Variants in CA10 observed in about 807,000 individuals in gnomAD.
The protein encoded by CA10 is carbonic anhydrase-related protein 10.
CA10 carries 14 observed loss-of-function variants against 44.2 expected under a neutral mutation model. The ratio of observed to expected loss-of-function variants is 0.32; its 90% CI spans 0.21 to 0.50. The LOEUF (loss-of-function observed/expected upper bound fraction) is 0.50. CA10 is among the 20% of genes least tolerant of loss of function. The probability of loss-of-function intolerance (pLI) is 0.99; values close to 1 mark genes in which losing one functional copy is unlikely to be tolerated. For missense variants in CA10, 350 were observed against 409.7 expected (o/e 0.85, Z 1.26); for synonymous variants, 159 against 141.6 (o/e 1.12, Z -0.87).
At chr17:51,638,032 G>A (rs531806439) in intron 6 of CA10, among the ~76,000 whole-genome samples, 2 of 152,344 alleles carry the variant, frequency 1.3e-5, no homozygotes, top group African/African-American at 4.8e-5. Flanking sequence ...ACTGATTAAT[G>A]CTGCTAATTT....
chr17:52,096,320 A>T (rs1465709508), intron 1 of CA10, among the ~76,000 whole-genome samples: 1 of 152,178 alleles, frequency 6.6e-6, no homozygotes, highest in Non-Finnish European at 1.5e-5. Context: ...ACTGTCAGGA[A>T]GAAGGAGTCT....
intron 2 of CA10, among the ~76,000 whole-genome samples, chr17:51,959,282 C>CTCTGTGTGTGTG (rs748461115): frequency 4.7e-4 from 63 of 134,444 alleles, no homozygotes; most frequent in Non-Finnish European, 6.1e-4. Flanking sequence ...CTCTCTCTCT[C>CTCTGTGTGTGTG]TGTGTGTGTG....
At chr17:52,077,584 G>C (rs140906734) in intron 1 of CA10, among the ~76,000 whole-genome samples, 1 of 148,520 alleles carries the variant, frequency 6.7e-6, no homozygotes, top group South Asian at 2.1e-4. Flanking sequence ...GGATCTAAAA[G>C]ATTTTTGTTA....
chr17:51,825,035 G>A (rs1907953862), intron 3 of CA10, among the ~76,000 whole-genome samples: 1 of 152,176 alleles, frequency 6.6e-6, no homozygotes, highest in Non-Finnish European at 1.5e-5. Flanking sequence ...GTGATCATGA[G>A]TGGAAAACAA....
intron 3 of CA10, among the ~76,000 whole-genome samples, chr17:51,808,904 G>A (rs971325674): frequency 6.6e-6 from 1 of 152,088 alleles, no homozygotes; most frequent in African/African-American, 2.4e-5. Flanking sequence ...TTTCAAAAAT[G>A]ACATCTTTGA....
At chr17:51,949,583 C>G (rs1037378250) in intron 2 of CA10, among the ~76,000 whole-genome samples, 2 of 152,160 alleles carry the variant, frequency 1.3e-5, no homozygotes, top group Admixed American at 6.6e-5. Context: ...AGGTTAGTCT[C>G]TCACTGTGGC....
intron 3 of CA10, among the ~76,000 whole-genome samples, chr17:51,753,348 C>T (rs770875481): frequency 6.6e-5 from 10 of 152,214 alleles, no homozygotes; most frequent in Middle Eastern, 3.2e-3. Flanking sequence ...AATTAGATGT[C>T]TTTGCATAGC....
intron 3 of CA10, among the ~76,000 whole-genome samples, chr17:51,821,538 C>T (rs1321406885): frequency 3.3e-5 from 5 of 152,028 alleles, no homozygotes; most frequent in Non-Finnish European, 7.4e-5. Flanking sequence ...ATTTGAATAG[C>T]CTCCTAATTG....
intron 1 of CA10, among the ~76,000 whole-genome samples, chr17:52,072,715 A>ACACACACG (rs1360860096): frequency 6.7e-6 from 1 of 149,780 alleles, no homozygotes; most frequent in Non-Finnish European, 1.5e-5. Flanking sequence ...ACACACACAC[A>ACACACACG]CAACACACAC....
intron 4 of CA10, among the ~76,000 whole-genome samples, chr17:51,715,107 A>G (rs1462542290): frequency 6.6e-6 from 1 of 152,150 alleles, no homozygotes; most frequent in Non-Finnish European, 1.5e-5. Flanking sequence ...TCAGCAAACT[A>G]TTGCAAGGAC....
rs558548902 is a variant in CA10 at position 51,881,729 on chromosome 17, T to C, written c.279+49261A>G. Among the ~76,000 whole-genome samples, 19 of 152,292 alleles carry C rather than the reference T, an allele frequency of 1.2e-4. No individual in the cohort carries two copies. The East Asian group carries it at 3.5e-3, about 28-fold the overall frequency. On this transcript the variant is annotated intron_variant, in intron 3 of 8. Transcript: ENST00000451037. ...ATAATGAGAGGGCATTTTTCCCATA[T>C]TAAGTTGTCAAAAATTATAAAGACT...
chr17:51,835,582 G>T (rs1481038136), intron 3 of CA10, among the ~76,000 whole-genome samples: 1 of 152,184 alleles, frequency 6.6e-6, no homozygotes, highest in Non-Finnish European at 1.5e-5. Flanking sequence ...GAAAGGCGTT[G>T]TTATCTTTCG....
intron 4 of CA10, among the ~76,000 whole-genome samples, chr17:51,672,667 A>C (rs736146): frequency 0.63 from 95,744 of 152,026 alleles, 30,412 homozygotes; most frequent in Middle Eastern, 0.68. Flanking sequence ...AGCCAGAATG[A>C]AAGTGAACTC....
chr17:51,822,422 C>CAAAACA (rs138516693), intron 3 of CA10, among the ~76,000 whole-genome samples: 10 of 150,430 alleles, frequency 6.6e-5, no homozygotes, highest in African/African-American at 1.5e-4. Context: ...CTCAAAAAAA[C>CAAAACA]AAAACAAAAA....
At chr17:52,085,912 C>T (rs1046502413) in intron 1 of CA10, among the ~76,000 whole-genome samples, 3 of 152,124 alleles carry the variant, frequency 2.0e-5, no homozygotes, top group Non-Finnish European at 4.4e-5. Context: ...CAAGTGTTTG[C>T]TCAAACACTA....
chr17:51,926,178 T>C (rs1253823147), intron 3 of CA10, among the ~76,000 whole-genome samples: 1 of 152,070 alleles, frequency 6.6e-6, no homozygotes, highest in East Asian at 1.9e-4. Context: ...AATGACAAGA[T>C]GATACTGAGA....
intron 1 of CA10, among the ~76,000 whole-genome samples, chr17:52,145,538 A>C (rs866002827): frequency 8.5e-5 from 13 of 152,310 alleles, no homozygotes; most frequent in Middle Eastern, 6.8e-3. Flanking sequence ...TATCTTCCCT[A>C]TAATGTATAA....
chr17:51,681,774 A>G (rs1033799147), intron 4 of CA10, among the ~76,000 whole-genome samples: 8 of 152,176 alleles, frequency 5.3e-5, no homozygotes, highest in African/African-American at 1.7e-4. Flanking sequence ...TAGTGTAACC[A>G]TCACCCAAAT....
chr17:51,999,692 A>G (rs1985357018), intron 2 of CA10, among the ~76,000 whole-genome samples: 1 of 151,990 alleles, frequency 6.6e-6, no homozygotes, highest in Non-Finnish European at 1.5e-5. Context: ...GTATGGTGAG[A>G]GACTGATGTA....
Sources: gnomAD v4.1 joint callset for allele counts (sites outside exome capture counted in the v4.1 genomes callset) on GRCh38, gnomAD v4.1.1 for gene constraint, MANE v1.5 for transcripts, NCBI Gene and HGNC (gene_info 2026-07-23, HGNC 2026-07-21) for gene names.